NLK: variants seen among roughly 807,000 people sequenced by gnomAD.
NLK encodes the protein nemo like kinase, also known as serine/threonine-protein kinase NLK.
A neutral mutation model predicts 59.0 loss-of-function variants in NLK; 11 were observed. The ratio of observed to expected loss-of-function variants is 0.19; its 90% CI spans 0.12 to 0.31. The LOEUF is 0.31. Ranked by LOEUF, NLK falls within the 10% of genes least tolerant of loss-of-function variation. NLK has a pLI of 1.00. For synonymous variants in NLK, 235 were observed against 235.9 expected (o/e 1.00, Z 0.03); for missense variants, 410 against 661.1 (o/e 0.62, Z 4.16).
intron 5 of NLK, among the ~76,000 whole-genome samples, chr17:28,164,756 T>C (rs1479746115): frequency 6.6e-6 from 1 of 152,200 alleles, no homozygotes; most frequent in East Asian, 1.9e-4. Context: ...TTTTAAAATG[T>C]TACCCACTTT....
At chr17:28,099,327 G>A (rs542653779) in intron 1 of NLK, among the ~76,000 whole-genome samples, 2 of 152,070 alleles carry the variant, frequency 1.3e-5, no homozygotes, top group East Asian at 3.9e-4. Flanking sequence ...ACACAGTACA[G>A]TTTTATTTTG....
At chr17:28,120,235 GGTGTGTGTGTGTGTGTGTGTGTGTGT>G (rs10542547) in intron 1 of NLK, among the ~76,000 whole-genome samples, 1 of 139,086 alleles carries the variant, frequency 7.2e-6, no homozygotes, top group Non-Finnish European at 1.6e-5. Context: ...TTTGGCTTGG[GGTGTGTGTGTGTGTGTGTGTGTGTGT>G]GTGTGTGTGT....
intron 1 of NLK, among the ~76,000 whole-genome samples, chr17:28,057,879 A>AT (rs1269207359): frequency 1.3e-5 from 2 of 152,194 alleles, no homozygotes; most frequent in African/African-American, 4.8e-5. Flanking sequence ...TGAGAAATAG[A>AT]TTTTTAAATC....
intron 7 of NLK, among the ~76,000 whole-genome samples, chr17:28,179,707 C>T (rs969803429): frequency 1.3e-5 from 2 of 152,060 alleles, no homozygotes; most frequent in Admixed American, 6.6e-5. Flanking sequence ...GCACTCTAGC[C>T]TGGGTGACAG....
At chr17:28,124,638 C>A (rs1906215206) in intron 2 of NLK, among the ~76,000 whole-genome samples, 1 of 152,198 alleles carries the variant, frequency 6.6e-6, no homozygotes, top group African/African-American at 2.4e-5. Context: ...TTAGTTATTT[C>A]TTGACCTTGC....
chr17:28,087,911 A>G (rs1904341106), intron 1 of NLK, among the ~76,000 whole-genome samples: 1 of 152,016 alleles, frequency 6.6e-6, no homozygotes, highest in African/African-American at 2.4e-5. Flanking sequence ...CACAAAGTTT[A>G]TAGCTTAATA....
intron 1 of NLK, among the ~76,000 whole-genome samples, chr17:28,086,009 C>T (rs1597671897): frequency 1.3e-5 from 2 of 152,076 alleles, no homozygotes; most frequent in African/African-American, 2.4e-5. Context: ...CACCTAATGA[C>T]GCATTTCTCA....
At chr17:28,120,061 C>G (rs936620647) in intron 1 of NLK, among the ~76,000 whole-genome samples, 1 of 152,108 alleles carries the variant, frequency 6.6e-6, no homozygotes, top group African/African-American at 2.4e-5. Context: ...CTGAAGTTTT[C>G]CCTTTTTCGT....
chr17:28,187,163 T>C (rs1173340909), intron 8 of NLK, among the ~76,000 whole-genome samples: 1 of 152,212 alleles, frequency 6.6e-6, no homozygotes, highest in South Asian at 2.1e-4. Flanking sequence ...ATTTATGTGT[T>C]AGAAATATTT....
In NLK at chr17:28,075,860, T is replaced by A. The variant is rs113318242; in HGVS notation, c.458+32529T>A. 6.5e-3 allele frequency among the ~76,000 whole-genome samples: 996 copies of A among 152,206 alleles called. 17 individuals are homozygous for A. The highest frequency in any genetic ancestry group is 0.022 in the African/African-American group (927 of 41,516). Reference sequence around the variant, plus strand: ...TTTAATCTTACACTGTATGCTTCTGTCTTAGCTACCTCCCGTCTGTTTTGG... The same window carrying A: ...TTTAATCTTACACTGTATGCTTCTGACTTAGCTACCTCCCGTCTGTTTTGG... On this transcript the variant is annotated intron_variant, in intron 1 of 10. Transcript: ENST00000407008.
the NLK span, among the ~76,000 whole-genome samples, chr17:28,204,022 T>C: frequency 6.6e-6 from 1 of 152,236 alleles, no homozygotes; most frequent in Non-Finnish European, 1.5e-5. Flanking sequence ...GCCCTGTGCA[T>C]GTCTGTCCAT....
intron 7 of NLK, 105 bp from the exon 8 acceptor site, chr17:28,185,074 C>A: frequency 2.1e-6 from 1 of 473,400 alleles, no homozygotes. Flanking sequence ...TTTAGACACA[C>A]ATTGCCTTTT....
downstream of NLK, among the ~76,000 whole-genome samples, chr17:28,198,441 A>C (rs964045391): frequency 1.3e-5 from 2 of 152,116 alleles, no homozygotes; most frequent in Non-Finnish European, 2.9e-5. Flanking sequence ...CTCCTGCCTC[A>C]GCCTCCCAAG....
At chr17:28,074,686 T>A (rs540598116) in intron 1 of NLK, among the ~76,000 whole-genome samples, 1 of 152,330 alleles carries the variant, frequency 6.6e-6, no homozygotes, top group South Asian at 2.1e-4. Flanking sequence ...TTTATAAATA[T>A]GTGTTTCTTT....
At chr17:28,203,752 G>T in the NLK span, among the ~76,000 whole-genome samples, 2 of 152,154 alleles carry the variant, frequency 1.3e-5, no homozygotes, top group East Asian at 3.9e-4. Context: ...GGCCAGGCTG[G>T]TCTTGAACTT....
At chr17:28,197,251 T>C (rs751755355), downstream of NLK, among the ~76,000 whole-genome samples, 3 of 152,018 alleles carry the variant, frequency 2.0e-5, no homozygotes, top group Non-Finnish European at 4.4e-5. Context: ...GGCAGATCAC[T>C]TGAGGTCATG....
At chr17:28,096,147 G>T (rs188545309) in intron 1 of NLK, among the ~76,000 whole-genome samples, 1 of 152,090 alleles carries the variant, frequency 6.6e-6, no homozygotes, top group Non-Finnish European at 1.5e-5. Context: ...TTTTGAAAAC[G>T]TTGAAAAATA....
Position 28,070,354 on chromosome 17 carries a change from ATT to A in NLK, c.458+27041_458+27042del, listed in dbSNP as rs749066253. Among the ~76,000 whole-genome samples the A allele has an allele frequency of 5.6e-3, 760 of 134,766 alleles. 4 individuals are homozygous for A. Among genetic ancestry groups the A allele is most frequent in the African/African-American group, 0.019 (705 of 36,428 alleles). 88.4% of individuals were successfully genotyped at this position (134,766 alleles called of 152,430 possible). On this transcript the variant is annotated intron_variant, in intron 1 of 10. Coordinates refer to ENST00000407008, the MANE Select transcript of NLK (RefSeq NM_016231.5). ...TAGGTAAGTTTTCCATCTGAAATTA[ATT>A]TTTTTTTTTTTTTTTTTGAGACGGA...
chr17:28,136,662 G>A (rs1423260244), intron 3 of NLK, among the ~76,000 whole-genome samples: 1 of 152,088 alleles, frequency 6.6e-6, no homozygotes, highest in Non-Finnish European at 1.5e-5. Context: ...GGAATACAAT[G>A]GCATAATCTC....
Sources: allele counts gnomAD v4.1 joint callset (sites outside exome capture counted in the v4.1 genomes callset), GRCh38; gene constraint gnomAD v4.1.1; transcripts MANE v1.5; gene names NCBI Gene and HGNC (gene_info 2026-07-23, HGNC 2026-07-21).